ERBB4: variants seen among roughly 807,000 people sequenced by gnomAD.
ERBB4 encodes the protein receptor tyrosine-protein kinase erbB-4.
Under a neutral mutation model 158.0 loss-of-function variants are expected in ERBB4, and 42 were observed. That is an observed-to-expected ratio of 0.27 (90% confidence interval 0.21 to 0.34). The LOEUF (loss-of-function observed/expected upper bound fraction) is 0.34, where lower values mean the gene tolerates loss of function less well. ERBB4 is among the 10% of genes least tolerant of loss of function. The pLI is 1.00. For missense variants in ERBB4, 1,333 were observed against 1,624.1 expected, an observed-to-expected ratio of 0.82 and a Z score of 3.08; for synonymous variants, 583 against 558.7, an observed-to-expected ratio of 1.04 and a Z score of -0.61.
chr2:211,807,733 C>G (rs2076653750), intron 3 of ERBB4, among the ~76,000 whole-genome samples: 1 of 152,154 alleles, frequency 6.6e-6, no homozygotes, highest in African/African-American at 2.4e-5. Context: ...CTAGTTTACA[C>G]TCCCACCAAT....
At position 212,362,753 on chromosome 2, in the gene ERBB4, C is replaced by G. The variant is rs538234506; in HGVS notation, c.82+175696G>C. Among the ~76,000 whole-genome samples the G allele has an allele frequency of 2.0e-5, 3 of 150,900 alleles. No individual in the cohort carries two copies. The South Asian group carries it at 6.2e-4, about 31-fold the overall frequency. ...TTGAATAAAATTTAGTAATTTTGGTCTCAGAGTAGCAAAAACATAATTTAA... is the reference window on the plus strand; with the variant it reads ...TTGAATAAAATTTAGTAATTTTGGTGTCAGAGTAGCAAAAACATAATTTAA... On this transcript the variant is annotated intron_variant, in intron 1 of 27. Transcript: ENST00000342788.
chr2:212,214,295 T>TG (rs1265578957), intron 1 of ERBB4, among the ~76,000 whole-genome samples: 38 of 151,890 alleles, frequency 2.5e-4, no homozygotes, highest in South Asian at 1.9e-3. Context: ...GCTTGAGATA[T>TG]ATCTAGTGCA....
In ERBB4 at chr2:212,147,333, A is replaced by G. The variant is rs1263737215; in HGVS notation, c.83-22430T>C. 2.6e-5 allele frequency among the ~76,000 whole-genome samples: 4 copies of G among 151,566 alleles called. No homozygotes were observed. The East Asian group carries it at 7.7e-4, about 29-fold the overall frequency. On this transcript the variant is annotated intron_variant, in intron 1 of 27. Coordinates refer to ENST00000342788, the MANE Select transcript of ERBB4 (RefSeq NM_005235.3). ...ACACTTTCAAAAGAAGAATTACAAT[A>G]TTATTGTGAAATAATTGAATTTCTT...
At chr2:212,498,116 A>ATG (rs746391733) in intron 1 of ERBB4, among the ~76,000 whole-genome samples, 1,462 of 144,720 alleles carry the variant, frequency 0.01, 26 homozygotes, top group South Asian at 0.047. Flanking sequence ...GTGCATATCT[A>ATG]TGTGTGTGTG....
chr2:212,403,426 C>G (rs1366015983), intron 1 of ERBB4, among the ~76,000 whole-genome samples: 1 of 152,020 alleles, frequency 6.6e-6, no homozygotes, highest in African/African-American at 2.4e-5. Flanking sequence ...ATCAGAATCT[C>G]AGAGAGATAT....
intron 3 of ERBB4, among the ~76,000 whole-genome samples, chr2:211,942,644 A>T (rs995458216): frequency 2.6e-5 from 4 of 152,134 alleles, no homozygotes; most frequent in Non-Finnish European, 4.4e-5. Context: ...TCCATACCTC[A>T]GATAATAATC....
At chr2:212,316,614 G>A (rs894003748) in intron 1 of ERBB4, among the ~76,000 whole-genome samples, 2 of 151,528 alleles carry the variant, frequency 1.3e-5, no homozygotes, top group Non-Finnish European at 1.5e-5. Context: ...ATAGTCCCTG[G>A]CATTCTGATA....
chr2:212,168,071 A>T (rs1161286939), intron 1 of ERBB4, among the ~76,000 whole-genome samples: 13 of 46,556 alleles, frequency 2.8e-4, no homozygotes. Context: ...TTAAAATTAA[A>T]AAAAAAAAAA....
At chr2:211,736,333 G>A (rs6706030) in intron 5 of ERBB4, among the ~76,000 whole-genome samples, 101,448 of 152,044 alleles carry the variant, frequency 0.67, 34,726 homozygotes, top group African/African-American at 0.81. Context: ...GAGGAATAAT[G>A]CTGAGCCTAA....
At chr2:211,661,511 T>C (rs1381119617) in intron 15 of ERBB4, among the ~76,000 whole-genome samples, 3 of 152,210 alleles carry the variant, frequency 2.0e-5, no homozygotes, top group Admixed American at 1.3e-4. Context: ...AAACTGTGTT[T>C]AACCTTTGTT....
At chr2:211,779,256 C>A (rs2075975886) in intron 4 of ERBB4, 1 of 152,132 alleles carries the variant, frequency 6.6e-6, no homozygotes, top group South Asian at 2.1e-4. Context: ...CTGTGCCCTA[C>A]GATTAATTTT....
chr2:212,295,722 T>C (rs187663793), intron 1 of ERBB4, among the ~76,000 whole-genome samples: 1 of 152,182 alleles, frequency 6.6e-6, no homozygotes, highest in African/African-American at 2.4e-5. Context: ...CAATAATATA[T>C]GTAAAGTAAC....
Position 212,132,123 on chromosome 2 carries a change from T to G in ERBB4, c.83-7220A>C, listed in dbSNP as rs368293896. On this transcript the variant is annotated intron_variant, in intron 1 of 27. Transcript: ENST00000342788. Reference sequence around the variant, plus strand: ...TAATTTTACACAATAGTATTTAAGTTATAGGATATCAAGGAGAAAAGCAAA... The same window carrying G: ...TAATTTTACACAATAGTATTTAAGTGATAGGATATCAAGGAGAAAAGCAAA... Among the ~76,000 whole-genome samples the G allele has an allele frequency of 2.4e-4, 36 of 152,314 alleles. 1 individual carries two copies. The East Asian group carries it at 2.5e-3, about 11-fold the overall frequency.
chr2:211,424,828 T>G (rs761490040), intron 22 of ERBB4, among the ~76,000 whole-genome samples: 1 of 152,124 alleles, frequency 6.6e-6, no homozygotes, highest in Non-Finnish European at 1.5e-5. Context: ...GAATAAAACA[T>G]AGACTTCTTT....
At chr2:211,987,984 A>T (rs2081980105) in intron 2 of ERBB4, among the ~76,000 whole-genome samples, 1 of 152,188 alleles carries the variant, frequency 6.6e-6, no homozygotes, top group Non-Finnish European at 1.5e-5. Flanking sequence ...TTCTCAAGTG[A>T]CATTACAAAT....
At position 211,662,038 on chromosome 2, in the gene ERBB4, C is replaced by CAA. The variant is rs61318918; in HGVS notation, c.1871+3283_1871+3284dup. Among the ~76,000 whole-genome samples, 21 of 39,704 alleles carry CAA rather than the reference C, an allele frequency of 5.3e-4. 1 individual carries two copies. The East Asian group carries it at 6.4e-3, about 12-fold the overall frequency. The allele number at this position is 39,704 out of a possible 152,430, so 26.0% of individuals were successfully genotyped here. A position where few individuals can be genotyped will look rare whatever the true frequency, so the allele number is the denominator to read the frequency against. On this transcript the variant is annotated intron_variant, in intron 15 of 27. Transcript: ENST00000342788. Reference sequence around the variant, plus strand: ...TGGGCGACAGAGCGGGACTCCGTCTCAAAAAAAAAAAAAAAAAAAAAAAAA... The same window carrying CAA: ...TGGGCGACAGAGCGGGACTCCGTCTCAAAAAAAAAAAAAAAAAAAAAAAAAAA...
intron 1 of ERBB4, among the ~76,000 whole-genome samples, chr2:212,175,886 G>A (rs2081649095): frequency 6.6e-6 from 1 of 151,898 alleles, no homozygotes; most frequent in African/African-American, 2.4e-5. Context: ...CCCCAGAGAA[G>A]TAAAGTGAAT....
chr2:212,420,031 CTG>C (rs1156894251), intron 1 of ERBB4, among the ~76,000 whole-genome samples: 5 of 151,966 alleles, frequency 3.3e-5, no homozygotes, highest in African/African-American at 9.7e-5. Flanking sequence ...ATTATGAAAA[CTG>C]AAACATCTGC....
At chr2:211,384,151 A>G in intron 27 of ERBB4, 91 bp from the exon 28 acceptor site, 2 of 903,422 alleles carry the variant, frequency 2.2e-6, no homozygotes, top group East Asian at 5.1e-5. Flanking sequence ...TTCTTTGTCT[A>G]GAACAAAAAA....
Sources: gnomAD v4.1 joint callset for allele counts (sites outside exome capture counted in the v4.1 genomes callset) on GRCh38, gnomAD v4.1.1 for gene constraint, MANE v1.5 for transcripts, NCBI Gene and HGNC (gene_info 2026-07-23, HGNC 2026-07-21) for gene names.